CAMTA1: variants seen among roughly 807,000 people sequenced by gnomAD.
CAMTA1 encodes calmodulin binding transcription activator 1, also known as calmodulin-binding transcription activator 1.
A neutral mutation model predicts 170.9 loss-of-function variants in CAMTA1; 27 were observed. The observed-to-expected ratio is 0.16, with a 90% CI of 0.12 to 0.22. The LOEUF is 0.22. Ranked by LOEUF, CAMTA1 falls within the 10% of genes least tolerant of loss-of-function variation. CAMTA1 has a pLI of 1.00. For missense variants in CAMTA1, 1,619 were observed against 2,217.2 expected (o/e 0.73, Z 5.42); for synonymous variants, 833 against 891.5 (o/e 0.93, Z 1.17).
At chr1:7,305,620 T>C (rs905608692) in intron 5 of CAMTA1, among the ~76,000 whole-genome samples, 14 of 152,110 alleles carry the variant, frequency 9.2e-5, no homozygotes, top group African/African-American at 3.4e-4. Flanking sequence ...ATTGTATTCA[T>C]GTACCAATTT....
At chr1:7,358,994 C>T (rs1411108826) in intron 5 of CAMTA1, among the ~76,000 whole-genome samples, 1 of 152,040 alleles carries the variant, frequency 6.6e-6, no homozygotes. Flanking sequence ...CCTTCAGCAG[C>T]CCATGTGGCA....
At chr1:6,982,127 C>T (rs767318148) in intron 3 of CAMTA1, among the ~76,000 whole-genome samples, 18 of 151,956 alleles carry the variant, frequency 1.2e-4, no homozygotes, top group Admixed American at 2.0e-4. Flanking sequence ...GGAAGCGGGC[C>T]TTCTTGACTC....
rs183625842 is a variant in CAMTA1, at chr1:7,718,275, G to T, written c.2915-14173G>T. 2.2e-4 allele frequency among the ~76,000 whole-genome samples: 33 copies of T among 152,246 alleles called. 2 individuals carry two copies. The East Asian group carries it at 4.6e-3, about 21-fold the overall frequency. On this transcript the variant is annotated intron_variant, in intron 11 of 22. Coordinates refer to ENST00000303635, the MANE Select transcript of CAMTA1 (RefSeq NM_015215.4). ...AGTGGGCGTTCCGTAAACATTTGTG[G>T]AATGAGTCCGTTCTGGCCGGATTCT...
intron 3 of CAMTA1, among the ~76,000 whole-genome samples, chr1:6,981,215 T>C (rs1694381132): frequency 6.6e-6 from 1 of 152,162 alleles, no homozygotes; most frequent in African/African-American, 2.4e-5. Context: ...AAAAAGACAT[T>C]GGATTCCTGG....
At position 7,745,725 on chromosome 1, in the gene CAMTA1, C is replaced by G. The variant is rs77432244; in HGVS notation, c.4371-120C>G. ...AGCAACTTGCCTAACTGAATGAAGG[C>G]ATGTTCCTAATTGCCCACAGTGGCT... On this transcript the variant is annotated intron_variant, in intron 17 of 22. Coordinates refer to ENST00000303635, the MANE Select transcript of CAMTA1 (RefSeq NM_015215.4). 4,712 of 1,188,940 alleles carry G rather than the reference C, an allele frequency of 4.0e-3. 110 individuals are homozygous for G. In the African/African-American group the frequency reaches 0.062, roughly 16 times the overall value. The allele number at this position is 1,188,940 out of a possible 1,614,324, so 73.6% of individuals were successfully genotyped here. A position where few individuals can be genotyped will look rare whatever the true frequency, so the allele number is the denominator to read the frequency against.
intron 6 of CAMTA1, among the ~76,000 whole-genome samples, chr1:7,632,852 C>T (rs6699269): frequency 0.19 from 28,513 of 152,284 alleles, 3,326 homozygotes; most frequent in African/African-American, 0.32. Flanking sequence ...TGATTGCGCA[C>T]GCCCAGGCGT....
At chr1:6,844,448 A>G (rs1440037606) in intron 3 of CAMTA1, among the ~76,000 whole-genome samples, 1 of 151,032 alleles carries the variant, frequency 6.6e-6, no homozygotes, top group Non-Finnish European at 1.5e-5. Context: ...TGAGGCAGGC[A>G]GATGCTGGAG....
chr1:7,178,705 A>C lies in CAMTA1; in HGVS notation c.303-70786A>C, dbSNP rs532571930. Among the ~76,000 whole-genome samples the C allele has an allele frequency of 3.3e-5, 5 of 152,286 alleles. No homozygotes were observed. In the South Asian group the frequency reaches 1.0e-3, roughly 32 times the overall value. The stretch of plus-strand genomic sequence containing the variant: ...GGTTCCGTAAAGAGCTAGAGGGAGA[A>C]GGGCACTTGCGGAGTAGCCAAGCTG... On this transcript the variant is annotated intron_variant, in intron 4 of 22. Transcript: ENST00000303635.
At chr1:7,162,052 C>T (rs966315196) in intron 4 of CAMTA1, among the ~76,000 whole-genome samples, 2 of 152,188 alleles carry the variant, frequency 1.3e-5, no homozygotes, top group African/African-American at 4.8e-5. Context: ...GAGGGAAGGA[C>T]AGCCCTGGCA....
chr1:7,375,350 G>A (rs943003224), intron 5 of CAMTA1, among the ~76,000 whole-genome samples: 19 of 152,070 alleles, frequency 1.2e-4, no homozygotes, highest in African/African-American at 2.2e-4. Context: ...CCCCTGACCC[G>A]AAACCACCAT....
At chr1:7,184,795 A>T (rs2148907218) in intron 4 of CAMTA1, among the ~76,000 whole-genome samples, 1 of 152,354 alleles carries the variant, frequency 6.6e-6, no homozygotes, top group African/African-American at 2.4e-5. Context: ...CTAATGTGGA[A>T]TAAAAACAGA....
At chr1:7,384,897 G>A (rs138075811) in intron 5 of CAMTA1, among the ~76,000 whole-genome samples, 7 of 152,150 alleles carry the variant, frequency 4.6e-5, no homozygotes, top group African/African-American at 1.7e-4. Context: ...ACCCGTCAGC[G>A]CCACTGCCCA....
chr1:6,821,993 ATT>A (rs1557628288), intron 2 of CAMTA1, among the ~76,000 whole-genome samples: 1 of 152,182 alleles, frequency 6.6e-6, no homozygotes, highest in South Asian at 2.1e-4. Context: ...CTCACTAGTT[ATT>A]TTTTTATTGT....
chr1:7,663,965 G>C lies in CAMTA1; in HGVS notation c.1418G>C (p.Gly473Ala). ...ELVLSTTLDG[G>A]RKIPETTMNF... Reference sequence around the variant, plus strand: ...GTCCTCTCCACCACCCTCGACGGTGGCCGGAAGATTCCAGAAACCACCATG... The same window carrying C: ...GTCCTCTCCACCACCCTCGACGGTGCCCGGAAGATTCCAGAAACCACCATG... Residue 473 changes from glycine to alanine, a missense_variant, in exon 9 of 23, where the codon GGC (glycine) becomes GCC (alanine). Around this residue, in one of 8 missense-constraint regions of CAMTA1, gnomAD observed 731 missense variants for 907.6 expected, o/e 0.81. Transcript: ENST00000303635. 1.5e-5 allele frequency: 24 copies of C among 1,613,782 alleles called. No homozygotes were observed. The highest frequency in any genetic ancestry group is 1.9e-5 in the Non-Finnish European group (23 of 1,180,040).
chr1:6,915,462 C>T (rs1319732399), intron 3 of CAMTA1, among the ~76,000 whole-genome samples: 26 of 152,092 alleles, frequency 1.7e-4, no homozygotes, highest in Admixed American at 1.7e-3. Context: ...GATGTGGGGG[C>T]ATTGGTACAG....
intron 6 of CAMTA1, among the ~76,000 whole-genome samples, chr1:7,535,423 T>C (rs1162815201): frequency 1.3e-5 from 2 of 152,164 alleles, no homozygotes; most frequent in Non-Finnish European, 2.9e-5. Context: ...AGACAGAGTA[T>C]GTGGGCTCAG....
chr1:7,425,320 A>G (rs942461095), intron 5 of CAMTA1, among the ~76,000 whole-genome samples: 2 of 152,088 alleles, frequency 1.3e-5, no homozygotes, highest in Non-Finnish European at 2.9e-5. Context: ...GAGGCCGCAC[A>G]GTTCCCTGGG....
At chr1:7,603,429 T>C (rs1180286755) in intron 6 of CAMTA1, among the ~76,000 whole-genome samples, 1 of 152,238 alleles carries the variant, frequency 6.6e-6, no homozygotes, top group East Asian at 1.9e-4. Flanking sequence ...CCCTTTACCA[T>C]TATGTAATGG....
intron 4 of CAMTA1, among the ~76,000 whole-genome samples, chr1:7,129,897 G>C (rs1573306004): frequency 6.7e-6 from 1 of 149,590 alleles, no homozygotes; most frequent in Admixed American, 6.7e-5. Context: ...GACAATAGTT[G>C]TTCTTTTAGA....
Sources: allele counts gnomAD v4.1 joint callset (sites outside exome capture counted in the v4.1 genomes callset), GRCh38; gene constraint gnomAD v4.1.1; regional missense constraint gnomAD v4.1.1; transcripts MANE v1.5; gene names NCBI Gene and HGNC (gene_info 2026-07-23, HGNC 2026-07-21).